Variants in DOCK4 observed in about 807,000 individuals in gnomAD.
DOCK4 encodes dedicator of cytokinesis protein 4.
Under a neutral mutation model 268.1 loss-of-function variants are expected in DOCK4, and 97 were observed. That is an observed-to-expected ratio of 0.36 (90% confidence interval 0.31 to 0.43). The LOEUF (loss-of-function observed/expected upper bound fraction) is 0.43, where lower values mean the gene tolerates loss of function less well. DOCK4 is among the 20% of genes least tolerant of loss of function. The pLI, the probability that DOCK4 is intolerant of heterozygous loss-of-function variation, is 1.00. For missense variants in DOCK4, 2,145 were observed against 2,455.7 expected, an observed-to-expected ratio of 0.87 and a Z score of 2.67; for synonymous variants, 954 against 887.2, an observed-to-expected ratio of 1.08 and a Z score of -1.34.
intron 16 of DOCK4, among the ~76,000 whole-genome samples, chr7:111,892,667 C>T (rs550054428): frequency 3.3e-5 from 5 of 152,212 alleles, no homozygotes; most frequent in Non-Finnish European, 5.9e-5. Context: ...TCTCTCTCCA[C>T]GTTTCTTTTT....
intron 35 of DOCK4, among the ~76,000 whole-genome samples, chr7:111,779,636 A>G (rs1585961721): frequency 6.6e-6 from 1 of 152,026 alleles, no homozygotes; most frequent in African/African-American, 2.4e-5. Context: ...CAACTGATCC[A>G]CCTGCCTCGG....
At chr7:111,885,476 C>A (rs1174250188) in intron 16 of DOCK4, among the ~76,000 whole-genome samples, 1 of 152,206 alleles carries the variant, frequency 6.6e-6, no homozygotes, top group African/African-American at 2.4e-5. Flanking sequence ...AACTCGTTTT[C>A]TTGTGGAAGA....
rs139195840 is a variant in DOCK4, at chr7:112,133,544, G to A, written c.37+72558C>T. Among the ~76,000 whole-genome samples, 128 of 152,110 alleles carry A rather than the reference G, an allele frequency of 8.4e-4. 2 individuals carry two copies. Among genetic ancestry groups the A allele is most frequent in the African/African-American group, 2.9e-3 (122 of 41,490 alleles). ...CTAAGGAGTTTGAGACTAGCCTGGG[G>A]GACATGGTGACACCCGTCTCTCCTA... is the stretch of plus-strand genomic sequence containing the variant. On this transcript the variant is annotated intron_variant, in intron 1 of 52. Coordinates refer to ENST00000428084, the MANE Select transcript of DOCK4 (RefSeq NM_001363540.2).
intron 8 of DOCK4, among the ~76,000 whole-genome samples, chr7:111,949,062 C>T (rs563248479): frequency 4.7e-4 from 71 of 152,306 alleles, no homozygotes; most frequent in Non-Finnish European, 1.8e-4. Context: ...CAGTTACCTA[C>T]TAATGTATTT....
chr7:112,014,423 T>A (rs1801632964), intron 1 of DOCK4, among the ~76,000 whole-genome samples: 1 of 152,192 alleles, frequency 6.6e-6, no homozygotes, highest in African/African-American at 2.4e-5. Flanking sequence ...ATCTCTTAAT[T>A]GTTCAGCAAA....
intron 23 of DOCK4, among the ~76,000 whole-genome samples, chr7:111,861,107 A>G (rs1244094881): frequency 6.6e-6 from 1 of 152,174 alleles, no homozygotes; most frequent in African/African-American, 2.4e-5. Flanking sequence ...GAGTTAAAGC[A>G]GGGTGCTCCG....
Position 111,728,539 on chromosome 7 carries a change from G to A in DOCK4, c.5663C>T (p.Pro1888Leu). Residue 1888 changes from proline to leucine, a missense_variant, in exon 53 of 53, where the codon CCA becomes CTA. This residue lies in a region of DOCK4 where 547 missense variants were observed against 469.0 expected (regional missense o/e 1.17). Coordinates refer to ENST00000428084, the MANE Select transcript of DOCK4 (RefSeq NM_001363540.2). ...VNEQSAPLPV[P>L]VPVPVPSYGG... ...GTAGCTCGGCACGGGCACCGGCACT[G>A]GCACCGGCAGGGGGGCCGACTGTTC... The A allele has an allele frequency of 1.2e-6, 2 of 1,613,716 alleles. No homozygotes were observed. The highest frequency in any genetic ancestry group is 1.1e-5 in the South Asian group (1 of 91,026).
At position 111,904,560 on chromosome 7, in the gene DOCK4, C is replaced by T. The variant is rs556895826; in HGVS notation, c.1193-2759G>A. ...AAGGTTCCAAAGGGCATTAGCTTCT[C>T]AGGCCAGTCCCCAAGGCCTGTTTAG... is the stretch of plus-strand genomic sequence containing the variant. On this transcript the variant is annotated intron_variant, in intron 13 of 52. Coordinates refer to ENST00000428084, the MANE Select transcript of DOCK4 (RefSeq NM_001363540.2). Among the ~76,000 whole-genome samples the T allele has an allele frequency of 9.9e-5, 15 of 152,230 alleles. No homozygotes were observed. In the South Asian group the frequency reaches 2.9e-3, roughly 29 times the overall value.
At chr7:111,751,416 T>C (rs1796637906) in intron 42 of DOCK4, among the ~76,000 whole-genome samples, 1 of 152,150 alleles carries the variant, frequency 6.6e-6, no homozygotes, top group Non-Finnish European at 1.5e-5. Flanking sequence ...TATTTAAATC[T>C]GGATTCGAAT....
chr7:112,140,674 A>G (rs886101106), intron 1 of DOCK4, among the ~76,000 whole-genome samples: 2 of 34,708 alleles, frequency 5.8e-5, no homozygotes, highest in African/African-American at 7.9e-5. Context: ...TTAAATGCAG[A>G]AAAAAAAAAC....
chr7:112,100,924 G>C lies in DOCK4; in HGVS notation c.38-96793C>G, dbSNP rs370586792. ...AAAATAAGCTCCACCCTTAAAGAAT[G>C]GGTTATATTCCAAACTCTGAGCTTT... On this transcript the variant is annotated intron_variant, in intron 1 of 52. Transcript: ENST00000428084. 1.2e-4 allele frequency among the ~76,000 whole-genome samples: 18 copies of C among 152,222 alleles called. 3 individuals carry two copies. The highest frequency in any genetic ancestry group is 4.1e-4 in the African/African-American group (17 of 41,538).
chr7:111,808,035 C>T (rs1800809623), intron 30 of DOCK4: 1 of 151,864 alleles, frequency 6.6e-6, no homozygotes. Flanking sequence ...TTGGATAAGC[C>T]CAAGAGAAAA....
intron 1 of DOCK4, among the ~76,000 whole-genome samples, chr7:112,040,692 G>A (rs1356244266): frequency 6.6e-6 from 1 of 152,002 alleles, no homozygotes; most frequent in African/African-American, 2.4e-5. Context: ...TACATTATTA[G>A]GCACAGTGAC....
chr7:112,121,095 C>T (rs958715820), intron 1 of DOCK4, among the ~76,000 whole-genome samples: 2 of 152,176 alleles, frequency 1.3e-5, no homozygotes, highest in Non-Finnish European at 2.9e-5. Flanking sequence ...ATATGCCAGA[C>T]ACAGTGCTAG....
At chr7:111,769,451 A>G (rs1301977446) in intron 37 of DOCK4, 78 bp downstream of exon 37, 1 of 1,560,278 alleles carries the variant, frequency 6.4e-7, no homozygotes, top group Non-Finnish European at 8.8e-7. Context: ...GTGGGCATTC[A>G]TAAACTAGAA....
At chr7:111,803,043 A>G (rs544952193) in intron 30 of DOCK4, among the ~76,000 whole-genome samples, 1 of 152,250 alleles carries the variant, frequency 6.6e-6, no homozygotes, top group African/African-American at 2.4e-5. Flanking sequence ...AACCCAGCCT[A>G]TATTAAAATT....
At chr7:112,164,527 C>A (rs1234324272) in intron 1 of DOCK4, among the ~76,000 whole-genome samples, 1 of 152,180 alleles carries the variant, frequency 6.6e-6, no homozygotes, top group Non-Finnish European at 1.5e-5. Context: ...AGGAACTATA[C>A]TAAGTATGTA....
intron 42 of DOCK4, among the ~76,000 whole-genome samples, chr7:111,751,322 A>G (rs375947453): frequency 1.3e-4 from 20 of 152,236 alleles, no homozygotes; most frequent in African/African-American, 4.6e-4. Flanking sequence ...CTTCAATAAA[A>G]AAATAAGGAA....
chr7:111,741,970 C>T, intron 45 of DOCK4, 43 bp downstream of exon 45: 1 of 1,519,682 alleles, frequency 6.6e-7, no homozygotes, highest in Non-Finnish European at 8.8e-7. Flanking sequence ...AAGCAAACGG[C>T]AGTGATCAGG....
Sources: gnomAD v4.1 joint callset for allele counts (sites outside exome capture counted in the v4.1 genomes callset) on GRCh38, gnomAD v4.1.1 for gene constraint, gnomAD v4.1.1 regional missense constraint, MANE v1.5 for transcripts, NCBI Gene and HGNC (gene_info 2026-07-23, HGNC 2026-07-21) for gene names.